The following GRIP1 variants were observed in gnomAD, a reference collection of about 807,000 sequenced individuals.
GRIP1 encodes glutamate receptor-interacting protein 1.
In GRIP1, 45 loss-of-function variants were observed where a neutral mutation model predicts 129.9. The ratio of observed to expected loss-of-function variants is 0.35; its 90% CI spans 0.27 to 0.44. The LOEUF (loss-of-function observed/expected upper bound fraction) is 0.44. Among genes scored for constraint, GRIP1 ranks in the 20% least tolerant of loss-of-function variants. GRIP1 has a pLI of 1.00. For synonymous variants in GRIP1, 530 were observed against 520.8 expected (o/e 1.02, Z -0.24); for missense variants, 1,196 against 1,396.8 (o/e 0.86, Z 2.29).
At chr12:66,497,311 G>T (rs1315525408) in intron 7 of GRIP1, among the ~76,000 whole-genome samples, 2 of 152,186 alleles carry the variant, frequency 1.3e-5, no homozygotes, top group African/African-American at 4.8e-5. Context: ...TAGATAGGAT[G>T]TTATGGAAGT....
intron 22 of GRIP1, among the ~76,000 whole-genome samples, chr12:66,374,843 A>C (rs1348749179): frequency 6.6e-6 from 1 of 152,222 alleles, no homozygotes; most frequent in Non-Finnish European, 1.5e-5. Flanking sequence ...TGCTTTGTTT[A>C]AAATGAACTT....
At chr12:66,776,401 A>G (rs1219071534) in intron 1 of GRIP1, among the ~76,000 whole-genome samples, 1 of 152,240 alleles carries the variant, frequency 6.6e-6, no homozygotes, top group Admixed American at 6.5e-5. Context: ...AAGAGTAGGT[A>G]ATACAATAAA....
At chr12:66,415,260 T>A (rs1321809899) in intron 15 of GRIP1, among the ~76,000 whole-genome samples, 1 of 151,714 alleles carries the variant, frequency 6.6e-6, no homozygotes, top group African/African-American at 2.4e-5. Flanking sequence ...ATATCCAAAG[T>A]CTACAAAGAA....
intron 2 of GRIP1, among the ~76,000 whole-genome samples, chr12:66,553,407 G>C (rs1428153115): frequency 2.0e-5 from 3 of 151,434 alleles, no homozygotes; most frequent in Non-Finnish European, 4.4e-5. Context: ...CTAAATTCTA[G>C]GCACTTTGCT....
At chr12:66,869,055 G>C (rs2075811782) in intron 1 of GRIP1, among the ~76,000 whole-genome samples, 1 of 151,998 alleles carries the variant, frequency 6.6e-6, no homozygotes, top group African/African-American at 2.4e-5. Flanking sequence ...TAGAAACTCT[G>C]CATCTCTCGT....
chr12:66,780,160 G>A (rs967969013), intron 1 of GRIP1, among the ~76,000 whole-genome samples: 4 of 152,128 alleles, frequency 2.6e-5, no homozygotes, highest in Non-Finnish European at 2.9e-5. Flanking sequence ...CATCAAACCC[G>A]GAGATGATGT....
intron 2 of GRIP1, among the ~76,000 whole-genome samples, chr12:66,574,511 T>C (rs1236121204): frequency 6.6e-6 from 1 of 152,266 alleles, no homozygotes; most frequent in East Asian, 1.9e-4. Flanking sequence ...CAATATGTCT[T>C]GGAGATCTTT....
chr12:66,406,305 G>T lies in GRIP1; in HGVS notation c.1962C>A (p.Ile654=). ...QQCEDLVKLK[I]RKDEDNSDEQ... ...TACCTGAATTATCTTCATCTTTGCG[G>T]ATTTTGAGCTTCACCAGGTCTTCAC... is the stretch of plus-strand genomic sequence containing the variant. Residue 654 remains isoleucine (I), a synonymous_variant, in exon 16 of 25, where the codon ATC becomes ATA. Coordinates refer to ENST00000359742, the MANE Select transcript of GRIP1 (RefSeq NM_001366722.1). 6.2e-7 allele frequency: 1 copy of T among 1,614,142 alleles called. No homozygotes were observed. The highest frequency in any genetic ancestry group is 8.5e-7 in the Non-Finnish European group (1 of 1,179,998).
At chr12:66,557,822 C>G (rs925997547) in intron 2 of GRIP1, among the ~76,000 whole-genome samples, 1 of 152,004 alleles carries the variant, frequency 6.6e-6, no homozygotes, top group African/African-American at 2.4e-5. Context: ...AAAAGCAGCA[C>G]TAAGAGGGAA....
At chr12:66,947,158 C>T (rs1179830144) in intron 1 of GRIP1, among the ~76,000 whole-genome samples, 1 of 152,164 alleles carries the variant, frequency 6.6e-6, no homozygotes. Context: ...AAGCTCATCT[C>T]CTCGCTTTTA....
Position 66,377,638 on chromosome 12 carries a change from C to CTTTTTTTTTT in GRIP1, c.2622-363_2622-354dup, listed in dbSNP as rs3045282. On this transcript the variant is annotated intron_variant, in intron 20 of 24. Transcript: ENST00000359742. ...GTAGGCGTGAGCCACCGCACCCGGCCTTTTTTTTTTTTTTTTTTGGATTCA... is the reference window on the plus strand; with the variant it reads ...GTAGGCGTGAGCCACCGCACCCGGCCTTTTTTTTTTTTTTTTTTTTTTTTTTTTGGATTCA... Among the ~76,000 whole-genome samples the CTTTTTTTTTT allele has an allele frequency of 2.4e-3, 303 of 124,510 alleles. 7 individuals are homozygous for CTTTTTTTTTT. Among genetic ancestry groups the CTTTTTTTTTT allele is most frequent in the African/African-American group, 9.2e-3 (292 of 31,792 alleles). 81.7% of individuals were successfully genotyped at this position (124,510 alleles called of 152,430 possible).
intron 7 of GRIP1, among the ~76,000 whole-genome samples, chr12:66,475,889 A>C (rs577556680): frequency 3.3e-5 from 5 of 152,340 alleles, no homozygotes; most frequent in South Asian, 4.1e-4. Flanking sequence ...AAGATCTAAA[A>C]TTGATACCCT....
chr12:66,350,077 G>A lies in GRIP1; in HGVS notation c.3160-831C>T, dbSNP rs193176220. 2.3e-3 allele frequency among the ~76,000 whole-genome samples: 344 copies of A among 152,064 alleles called. 2 individuals are homozygous for A. The highest frequency in any genetic ancestry group is 3.5e-3 in the Non-Finnish European group (241 of 68,002). On this transcript the variant is annotated intron_variant, in intron 24 of 24. Transcript: ENST00000359742. The stretch of plus-strand genomic sequence containing the variant: ...CCTTGGCGTTTAGCATTTGCCGCTC[G>A]TGACACCTCCTCACCCTTAAAACTC...
At chr12:66,632,738 C>A (rs998408551) in intron 1 of GRIP1, among the ~76,000 whole-genome samples, 12 of 152,170 alleles carry the variant, frequency 7.9e-5, no homozygotes, top group African/African-American at 2.7e-4. Context: ...AAAATACATA[C>A]AATTTTGAGG....
intron 15 of GRIP1, among the ~76,000 whole-genome samples, chr12:66,419,957 C>T (rs1305597747): frequency 6.6e-6 from 1 of 152,112 alleles, no homozygotes; most frequent in Admixed American, 6.5e-5. Flanking sequence ...CTTAGCCGGG[C>T]ATGGCGGTGT....
At chr12:66,817,082 G>A (rs1420600262) in intron 1 of GRIP1, among the ~76,000 whole-genome samples, 1 of 151,908 alleles carries the variant, frequency 6.6e-6, no homozygotes, top group East Asian at 1.9e-4. Flanking sequence ...ACAAAATTAA[G>A]CCTGTTTTTC....
chr12:66,564,606 T>C (rs546557075), intron 2 of GRIP1, among the ~76,000 whole-genome samples: 31 of 152,324 alleles, frequency 2.0e-4, no homozygotes, highest in Admixed American at 2.0e-3. Context: ...TGTGTCTTTA[T>C]AGCAGCATGA....
intron 1 of GRIP1, among the ~76,000 whole-genome samples, chr12:66,761,779 C>T (rs926892495): frequency 6.6e-6 from 1 of 152,156 alleles, no homozygotes; most frequent in Non-Finnish European, 1.5e-5. Flanking sequence ...CTGAAGAAAT[C>T]CTAGAGCTAG....
chr12:67,009,878 G>A (rs2042679954), intron 1 of GRIP1, among the ~76,000 whole-genome samples: 1 of 151,862 alleles, frequency 6.6e-6, no homozygotes, highest in Non-Finnish European at 1.5e-5. Flanking sequence ...CAAATATCAG[G>A]GCCCATCACA....
Sources: allele counts gnomAD v4.1 joint callset (sites outside exome capture counted in the v4.1 genomes callset), GRCh38; gene constraint gnomAD v4.1.1; transcripts MANE v1.5; gene names NCBI Gene and HGNC (gene_info 2026-07-23, HGNC 2026-07-21).